Variants in AQR observed in about 807,000 individuals in gnomAD.
AQR encodes aquarius intron-binding spliceosomal factor.
Under a neutral mutation model 180.5 loss-of-function variants are expected in AQR, and 61 were observed. The ratio of observed to expected loss-of-function variants is 0.34; its 90% confidence interval spans 0.28 to 0.42. The LOEUF (loss-of-function observed/expected upper bound fraction) is 0.42, where lower values mean the gene tolerates loss of function less well. Ranked by LOEUF, AQR falls within the 10% of genes least tolerant of loss-of-function variation. The pLI is 1.00. For missense variants in AQR, 1,281 were observed against 1,798.3 expected (o/e 0.71, Z 5.20); for synonymous variants, 551 against 588.8 (o/e 0.94, Z 0.93).
intron 30 of AQR, among the ~76,000 whole-genome samples, chr15:34,871,542 C>T: frequency 6.6e-6 from 1 of 151,448 alleles, no homozygotes; most frequent in Non-Finnish European, 1.5e-5. Context: ...TACAATGTGC[C>T]ACAACTGTAG....
chr15:34,904,464 A>G lies in AQR; in HGVS notation c.1873T>C (p.Phe625Leu). The change falls in exon 19 of 35, where the codon TTT (phenylalanine) becomes CTT (leucine). Residue 625 changes from phenylalanine (F) to leucine (L), a missense_variant. Coordinates refer to ENST00000156471, the MANE Select transcript of AQR (RefSeq NM_014691.3). ...RPNLRGESRT[F>L]RVFLDPNQYQ... ...TGGTTTGGATCCAAAAACACTCTAA[A>G]TGTCCTTGATTCTCCTCTAAGATTG... 6.2e-7 allele frequency: 1 copy of G among 1,612,312 alleles called. No homozygotes were observed.
intron 5 of AQR, among the ~76,000 whole-genome samples, chr15:34,947,236 T>C (rs1425396023): frequency 6.6e-6 from 1 of 151,878 alleles, no homozygotes; most frequent in Non-Finnish European, 1.5e-5. Context: ...CTGTGAAACA[T>C]GTGCTGTATC....
chr15:34,857,207 A>C, intron 34 of AQR, 101 bp from the exon 35 acceptor site: 1 of 1,081,832 alleles, frequency 9.2e-7, no homozygotes, highest in Non-Finnish European at 1.3e-6. Flanking sequence ...AACAGTGCTG[A>C]CCATTTTATA....
Position 34,856,899 on chromosome 15 carries a change from T to C in AQR, c.4351A>G (p.Ile1451Val). Residue 1451 changes from isoleucine (I) to valine (V), a missense_variant, in exon 35 of 35, where the codon ATC (isoleucine) becomes GTC (valine). Around this residue, in one of 9 missense-constraint regions of AQR, gnomAD observed 182 missense variants for 185.3 expected, o/e 0.98. Transcript: ENST00000156471. ...ETGATSTPEA[I>V]PALSETTPTV... ...GGGGTGGTCTCAGATAAAGCAGGGA[T>C]GGCTTCTGGAGTGGAAGTGGCTCCT... 1.9e-6 allele frequency: 3 copies of C among 1,613,988 alleles called. No homozygotes were observed. The highest frequency in any genetic ancestry group is 2.5e-6 in the Non-Finnish European group (3 of 1,179,954).
In AQR at chr15:34,932,342, T is replaced by C. The variant is rs749775406; in HGVS notation, c.876A>G (p.Glu292=). The change falls in exon 11 of 35, where the codon GAA becomes GAG. Residue 292 remains glutamate (E), a synonymous_variant. Coordinates refer to ENST00000156471, the MANE Select transcript of AQR (RefSeq NM_014691.3). ...HCYLSNLVRR[E]EDGHLFSQLL... is the part of the protein sequence containing the mutation. ...CCTGGGAAAAAAGATGGCCATCCTC[T>C]TCTCTACGAACAAGATTGGAAAGGT... 5 of 1,613,310 alleles carry C rather than the reference T, an allele frequency of 3.1e-6. No individual in the cohort carries two copies. In the East Asian group the frequency reaches 8.9e-5, roughly 29 times the overall value.
chr15:34,902,158 T>C (rs917381829), intron 19 of AQR, among the ~76,000 whole-genome samples: 5 of 152,140 alleles, frequency 3.3e-5, no homozygotes, highest in Non-Finnish European at 7.4e-5. Context: ...TTTGATTTAT[T>C]TCATCATGAA....
At chr15:34,943,362 G>T in intron 6 of AQR, 1 of 1,459,172 alleles carries the variant, frequency 6.9e-7, no homozygotes, top group East Asian at 2.3e-5. Context: ...ACTGGGAGGA[G>T]ATAAGAAGAG....
intron 32 of AQR, among the ~76,000 whole-genome samples, chr15:34,864,094 A>T (rs551569968): frequency 1.3e-5 from 2 of 152,254 alleles, no homozygotes; most frequent in South Asian, 4.1e-4. Flanking sequence ...CAGGAATTGG[A>T]ATATTTATCT....
chr15:34,885,456 T>G (rs1462254332), intron 25 of AQR, among the ~76,000 whole-genome samples: 2 of 152,202 alleles, frequency 1.3e-5, no homozygotes, highest in Admixed American at 1.3e-4. Flanking sequence ...CCACCTCTAT[T>G]GAATGAGAAG....
intron 1 of AQR, among the ~76,000 whole-genome samples, chr15:34,967,812 T>C (rs2050317920): frequency 3.7e-5 from 5 of 136,532 alleles, no homozygotes; most frequent in Admixed American, 3.7e-4. Flanking sequence ...TAAAGATTTC[T>C]TTTTTTTTGC....
At chr15:34,886,271 A>G (rs577097551) in intron 25 of AQR, among the ~76,000 whole-genome samples, 1 of 152,354 alleles carries the variant, frequency 6.6e-6, no homozygotes, top group Non-Finnish European at 1.5e-5. Context: ...AACTTTGCCA[A>G]TAGAAAGAAA....
At chr15:34,891,915 T>C (rs1220816891) in intron 23 of AQR, among the ~76,000 whole-genome samples, 1 of 152,142 alleles carries the variant, frequency 6.6e-6, no homozygotes. Flanking sequence ...AAGTTTACTA[T>C]TTATAAACTT....
Position 34,860,061 on chromosome 15 carries a change from G to A in AQR, c.4124C>T (p.Thr1375Ile), listed in dbSNP as rs768023344. The change falls in exon 34 of 35, where the codon ACT becomes ATT. Residue 1375 changes from threonine to isoleucine, a missense_variant. By Grantham distance (89) the Thr-to-Ile change is moderately conservative. Around this residue, in one of 9 missense-constraint regions of AQR, gnomAD observed 182 missense variants for 185.3 expected, o/e 0.98. Transcript: ENST00000156471. ...VYNMYMHLIQTTHHYHQTLLQ... is the reference protein window; with the variant it reads ...VYNMYMHLIQITHHYHQTLLQ... Reference sequence around the variant, plus strand: ...ACTCACCTGATGATAATGATGTGTAGTCTGTATCAAATGCATGTACATGTT... The same window carrying A: ...ACTCACCTGATGATAATGATGTGTAATCTGTATCAAATGCATGTACATGTT... The A allele has an allele frequency of 6.9e-7, 1 of 1,456,960 alleles. No homozygotes were observed. The highest frequency in any genetic ancestry group is 9.2e-7 in the Non-Finnish European group (1 of 1,085,358). The allele number at this position is 1,456,960 out of a possible 1,614,324, so 90.3% of individuals were successfully genotyped here. A position where few individuals can be genotyped will look rare whatever the true frequency, so the allele number is the denominator to read the frequency against.
In AQR at chr15:34,897,549, G is replaced by A; in HGVS notation, c.2390+10C>T. 1 of 1,613,272 alleles carries A rather than the reference G, an allele frequency of 6.2e-7. No individual in the cohort carries two copies. Among genetic ancestry groups the A allele is most frequent in the East Asian group, 2.2e-5 (1 of 44,842 alleles). ...TTCATCATTACAATTATAATAGGTA[G>A]TAAAATTACCGTTTGGGTTGATTAT... On this transcript the variant is annotated intron_variant, in intron 21 of 34. Coordinates refer to ENST00000156471, the MANE Select transcript of AQR (RefSeq NM_014691.3).
chr15:34,956,764 G>C (rs1566791452), intron 3 of AQR, among the ~76,000 whole-genome samples: 1 of 149,374 alleles, frequency 6.7e-6, no homozygotes, highest in South Asian at 2.1e-4. Context: ...TAAATACTGG[G>C]AAACATCTTG....
At chr15:34,895,877 C>G (rs557437097) in intron 22 of AQR, among the ~76,000 whole-genome samples, 132 of 152,104 alleles carry the variant, frequency 8.7e-4, no homozygotes, top group African/African-American at 3.1e-3. Context: ...TATAGCACAA[C>G]CTACTCCAGA....
chr15:34,967,899 C>T (rs916097627), intron 1 of AQR, among the ~76,000 whole-genome samples: 16 of 151,984 alleles, frequency 1.1e-4, no homozygotes, highest in Non-Finnish European at 2.1e-4. Context: ...TTGCAACCTC[C>T]GCCTCCCGGG....
chr15:34,960,028 G>T (rs1566792316), intron 3 of AQR, among the ~76,000 whole-genome samples: 1 of 152,138 alleles, frequency 6.6e-6, no homozygotes. Context: ...ATACCACTGT[G>T]CTTACAACTC....
intron 16 of AQR, among the ~76,000 whole-genome samples, chr15:34,914,412 T>C (rs1177234218): frequency 6.6e-6 from 1 of 151,594 alleles, no homozygotes; most frequent in Non-Finnish European, 1.5e-5. Flanking sequence ...AGGTGGGGAG[T>C]GGAGTTTATG....
Sources: gnomAD v4.1 joint callset for allele counts (sites outside exome capture counted in the v4.1 genomes callset) on GRCh38, gnomAD v4.1.1 for gene constraint, gnomAD v4.1.1 regional missense constraint, MANE v1.5 for transcripts, NCBI Gene and HGNC (gene_info 2026-07-23, HGNC 2026-07-21) for gene names.